The following PIEZO2 variants were observed in gnomAD, a reference collection of about 807,000 sequenced individuals.
PIEZO2 encodes piezo-type mechanosensitive ion channel component 2.
Under a neutral mutation model 337.3 loss-of-function variants are expected in PIEZO2, and 172 were observed. The ratio of observed to expected loss-of-function variants is 0.51; its 90% CI spans 0.45 to 0.58. The LOEUF (loss-of-function observed/expected upper bound fraction) is 0.58, where lower values mean the gene tolerates loss of function less well. Among genes scored for constraint, PIEZO2 ranks in the 20% least tolerant of loss-of-function variants. The pLI, the probability that PIEZO2 is intolerant of heterozygous loss-of-function variation, is 0.00. For missense variants in PIEZO2, 3,028 were observed against 3,391.3 expected (o/e 0.89, Z 2.66); for synonymous variants, 1,251 against 1,228.5 (o/e 1.02, Z -0.38).
At chr18:10,804,392 G>T (rs902468122) in intron 8 of PIEZO2, among the ~76,000 whole-genome samples, 1 of 152,216 alleles carries the variant, frequency 6.6e-6, no homozygotes, top group Non-Finnish European at 1.5e-5. Flanking sequence ...ATGTATTGAA[G>T]GCAGAATCAT....
At chr18:10,966,507 T>C (rs2034005677) in intron 3 of PIEZO2, among the ~76,000 whole-genome samples, 2 of 152,238 alleles carry the variant, frequency 1.3e-5, no homozygotes. Flanking sequence ...TTAAATTATT[T>C]CTATTGCCCA....
chr18:10,873,665 C>T (rs937315081), intron 4 of PIEZO2, among the ~76,000 whole-genome samples: 5 of 151,984 alleles, frequency 3.3e-5, no homozygotes, highest in South Asian at 2.1e-4. Context: ...AATGTTTCCA[C>T]GTATTTGTTA....
At chr18:10,838,790 C>T (rs894357778) in intron 7 of PIEZO2, among the ~76,000 whole-genome samples, 4 of 152,134 alleles carry the variant, frequency 2.6e-5, no homozygotes, top group Admixed American at 2.6e-4. Flanking sequence ...AGAAATGAGT[C>T]AGAACCAGAA....
At chr18:10,789,890 T>C (rs1249551319) in intron 14 of PIEZO2, among the ~76,000 whole-genome samples, 2 of 152,306 alleles carry the variant, frequency 1.3e-5, no homozygotes, top group African/African-American at 4.8e-5. Flanking sequence ...TAAAACAATT[T>C]AATGGATCAA....
chr18:10,962,381 T>C lies in PIEZO2; in HGVS notation c.286+17154A>G, dbSNP rs1009283732. ...TCATACTCACAACTGGCATTTTCCT[T>C]CCACACTTTCTCAATTGTCCCTTAA... On this transcript the variant is annotated intron_variant, in intron 3 of 55. Coordinates refer to ENST00000674853, the MANE Select transcript of PIEZO2 (RefSeq NM_001378183.1). The surrounding 1 kb of genome is among the most constrained non-coding windows in gnomAD (Gnocchi z 4.1). 3.3e-5 allele frequency among the ~76,000 whole-genome samples: 5 copies of C among 152,264 alleles called. No individual in the cohort carries two copies. The highest frequency in any genetic ancestry group is 3.4e-3 in the Middle Eastern group (1 of 294).
intron 17 of PIEZO2, among the ~76,000 whole-genome samples, chr18:10,782,106 A>C (rs1484634622): frequency 6.9e-6 from 1 of 144,540 alleles, no homozygotes; most frequent in East Asian, 2.0e-4. Context: ...CATTATATAT[A>C]TTATATATTA....
chr18:10,801,399 T>C lies in PIEZO2; in HGVS notation c.1230A>G (p.Lys410=). 1 of 1,504,170 alleles carries C rather than the reference T, an allele frequency of 6.6e-7. No homozygotes were observed. Among genetic ancestry groups the C allele is most frequent in the Non-Finnish European group, 9.0e-7 (1 of 1,116,536 alleles). The allele number at this position is 1,504,170 out of a possible 1,614,324, so 93.2% of individuals were successfully genotyped here. Residue 410 remains lysine (K), a synonymous_variant, in exon 10 of 56, where the codon AAA becomes AAG. Coordinates refer to ENST00000674853, the MANE Select transcript of PIEZO2 (RefSeq NM_001378183.1). ...KLLSMTQDDY[K]PSDGLLVTVN... ...CTAAGGGTATACTAACATCAGATGG[T>C]TTGTAGTCATCCTGGGTCATGGATA...
chr18:10,764,153 C>G (rs1309930932), intron 21 of PIEZO2, among the ~76,000 whole-genome samples: 1 of 152,132 alleles, frequency 6.6e-6, no homozygotes, highest in Non-Finnish European at 1.5e-5. Context: ...AGAAGGACCA[C>G]CATCTTCTTC....
intron 47 of PIEZO2, 90 bp downstream of exon 47, chr18:10,695,984 C>T: frequency 7.9e-7 from 1 of 1,272,166 alleles, no homozygotes; most frequent in East Asian, 2.3e-5. Flanking sequence ...CTGTGGCCAG[C>T]AGTTCTGCTG....
intron 2 of PIEZO2, among the ~76,000 whole-genome samples, chr18:11,023,610 G>T (rs113908648): frequency 2.6e-5 from 4 of 152,234 alleles, no homozygotes; most frequent in Non-Finnish European, 4.4e-5. Flanking sequence ...GCACCGGGGC[G>T]GCAGGTGGAG....
At chr18:11,000,909 G>A (rs933963656) in intron 2 of PIEZO2, among the ~76,000 whole-genome samples, 8 of 152,126 alleles carry the variant, frequency 5.3e-5, no homozygotes, top group African/African-American at 1.9e-4. Context: ...GAACTGTCTA[G>A]AATTGAGGGA....
chr18:11,145,099 CTT>C lies in PIEZO2; in HGVS notation c.64+3424_64+3425del, dbSNP rs781378616. On this transcript the variant is annotated intron_variant, in intron 1 of 55. Coordinates refer to ENST00000674853, the MANE Select transcript of PIEZO2 (RefSeq NM_001378183.1). The stretch of plus-strand genomic sequence containing the variant: ...TTAGAGATTGCATAATATGGAAAGT[CTT>C]TACCTTTTTGTGTATTATGTGTAAG... Among the ~76,000 whole-genome samples the C allele has an allele frequency of 3.8e-4, 58 of 152,222 alleles. 1 individual carries two copies. The highest frequency in any genetic ancestry group is 1.3e-3 in the Admixed American group (20 of 15,302).
chr18:10,999,909 G>T (rs976944004), intron 2 of PIEZO2, among the ~76,000 whole-genome samples: 1 of 152,120 alleles, frequency 6.6e-6, no homozygotes, highest in East Asian at 1.9e-4. Flanking sequence ...CTGGGACTTC[G>T]AAATAAACTC....
intron 2 of PIEZO2, among the ~76,000 whole-genome samples, chr18:11,039,220 G>A (rs755179749): frequency 1.1e-4 from 17 of 152,212 alleles, no homozygotes; most frequent in Non-Finnish European, 1.6e-4. Flanking sequence ...CTCAACAAGC[G>A]ATTGGGTGAC....
At position 10,846,968 on chromosome 18, in the gene PIEZO2, C is replaced by T. The variant is rs2041384748; in HGVS notation, c.917+8385G>A. Among the ~76,000 whole-genome samples the T allele has an allele frequency of 6.6e-6, 1 of 152,176 alleles. No individual in the cohort carries two copies. Among genetic ancestry groups the T allele is most frequent in the African/African-American group, 2.4e-5 (1 of 41,456 alleles). On this transcript the variant is annotated intron_variant, in intron 7 of 55. Transcript: ENST00000674853. This position sits in a 1 kb window ranked among gnomAD's most constrained non-coding sequence, Gnocchi z 4.1. ...ATAAAAATCAGTAGCACTTGATATG[C>T]TCTCTCCTGCTTACTACACCCACCC...
At chr18:10,849,781 C>T (rs567431385) in intron 7 of PIEZO2, among the ~76,000 whole-genome samples, 1 of 152,350 alleles carries the variant, frequency 6.6e-6, no homozygotes, top group South Asian at 2.1e-4. Flanking sequence ...GAAGAAATTA[C>T]TTTGCATTAG....
chr18:11,054,823 T>A (rs973862659), intron 2 of PIEZO2, among the ~76,000 whole-genome samples: 1 of 151,864 alleles, frequency 6.6e-6, no homozygotes, highest in Non-Finnish European at 1.5e-5. Context: ...GGAGCATGGA[T>A]GAGATGATCC....
chr18:10,943,369 A>G lies in PIEZO2; in HGVS notation c.287-32141T>C, dbSNP rs1015999220. On this transcript the variant is annotated intron_variant, in intron 3 of 55. Coordinates refer to ENST00000674853, the MANE Select transcript of PIEZO2 (RefSeq NM_001378183.1). The surrounding 1 kb of genome is among the most constrained non-coding windows in gnomAD (Gnocchi z 4.5). ...AAAGCCCCAGGGGTGGAGTTACCCA[A>G]GGCCGTGGGAGACCACCTCTTGCAT... 6.6e-6 allele frequency among the ~76,000 whole-genome samples: 1 copy of G among 152,168 alleles called. No individual in the cohort carries two copies. Among genetic ancestry groups the G allele is most frequent in the Middle Eastern group, 3.2e-3 (1 of 316 alleles).
chr18:10,992,787 G>A (rs529105760), intron 2 of PIEZO2, among the ~76,000 whole-genome samples: 3 of 152,230 alleles, frequency 2.0e-5, no homozygotes, highest in African/African-American at 7.2e-5. Flanking sequence ...GAGCTTGATG[G>A]GGATAGCATT....
Sources: gnomAD v4.1 joint callset for allele counts (sites outside exome capture counted in the v4.1 genomes callset) on GRCh38, gnomAD v4.1.1 for gene constraint, Gnocchi (gnomAD v3.1) non-coding constraint, MANE v1.5 for transcripts, NCBI Gene and HGNC (gene_info 2026-07-23, HGNC 2026-07-21) for gene names.